Variants in PHAF1 observed in about 807,000 individuals in gnomAD.
PHAF1 encodes phagophore assembly factor 1.
Under a neutral mutation model 63.1 loss-of-function variants are expected in PHAF1, and 23 were observed. The observed-to-expected ratio is 0.36, with a 90% CI of 0.26 to 0.52. PHAF1 has a LOEUF of 0.52. Ranked by LOEUF, PHAF1 falls within the 20% of genes least tolerant of loss-of-function variation. The probability of loss-of-function intolerance (pLI) is 0.93; values close to 1 mark genes in which losing one functional copy is unlikely to be tolerated. For missense variants in PHAF1, 427 were observed against 517.2 expected (o/e 0.83, Z 1.69); for synonymous variants, 167 against 185.0 (o/e 0.90, Z 0.79).
At chr16:67,145,485 T>C in intron 13 of PHAF1, 66 bp downstream of exon 13, 2 of 1,612,492 alleles carry the variant, frequency 1.2e-6, no homozygotes. Context: ...GCAGGCAGTA[T>C]GGGGCTGTGT....
In PHAF1 at chr16:67,132,805, C is replaced by T; in HGVS notation, c.356-12C>T. On this transcript the variant is annotated splice_polypyrimidine_tract_variant and intron_variant, in intron 5 of 15. Coordinates refer to ENST00000219139, the MANE Select transcript of PHAF1 (RefSeq NM_025187.5). ...TCAACCATGTTATTTTCTTCTCCCC[C>T]ACCCCCAACAGTGTACAACTCCGCT... 3 of 1,597,308 alleles carry T rather than the reference C, an allele frequency of 1.9e-6. No individual in the cohort carries two copies. The highest frequency in any genetic ancestry group is 1.7e-5 in the Admixed American group (1 of 59,984).
chr16:67,143,235 CCCT>C (rs1037229657), intron 10 of PHAF1, among the ~76,000 whole-genome samples: 2 of 152,112 alleles, frequency 1.3e-5, no homozygotes, highest in Non-Finnish European at 2.9e-5. Flanking sequence ...GGCCTTCAGC[CCCT>C]CAAGAACCAG....
intron 2 of PHAF1, among the ~76,000 whole-genome samples, chr16:67,121,317 G>A (rs892756942): frequency 3.3e-5 from 5 of 150,826 alleles, no homozygotes; most frequent in East Asian, 1.9e-4. Context: ...TCAGCCTCCC[G>A]AGTAGCTGGG....
chr16:67,145,287 A>C, intron 12 of PHAF1, 89 bp from the exon 13 acceptor site: 1 of 1,456,514 alleles, frequency 6.9e-7, no homozygotes, highest in Non-Finnish European at 9.5e-7. Flanking sequence ...CCCAGTGCAA[A>C]GGGACACCAG....
At chr16:67,134,934 G>C (rs1963556632) in intron 8 of PHAF1, 1 of 338,262 alleles carries the variant, frequency 3.0e-6, no homozygotes, top group Admixed American at 4.2e-5. Context: ...GAAGACAAAT[G>C]ATGCAGATGT....
At chr16:67,121,621 C>A (rs1052570138) in intron 2 of PHAF1, among the ~76,000 whole-genome samples, 1 of 147,504 alleles carries the variant, frequency 6.8e-6, no homozygotes, top group Admixed American at 6.8e-5. Context: ...GCTGTTGTTG[C>A]GCAAACTGGA....
chr16:67,126,245 A>G (rs1474715080), intron 3 of PHAF1, among the ~76,000 whole-genome samples: 1 of 152,176 alleles, frequency 6.6e-6, no homozygotes, highest in East Asian at 1.9e-4. Flanking sequence ...GGATGGTCAG[A>G]AAGAGGCTGG....
chr16:67,119,868 A>G (rs1289807574), intron 1 of PHAF1, among the ~76,000 whole-genome samples: 2 of 152,054 alleles, frequency 1.3e-5, no homozygotes, highest in Non-Finnish European at 2.9e-5. Flanking sequence ...CAGATAAGCA[A>G]AAGAGTCCTT....
intron 6 of PHAF1, among the ~76,000 whole-genome samples, chr16:67,133,447 G>A (rs951404404): frequency 1.3e-5 from 2 of 149,082 alleles, no homozygotes; most frequent in African/African-American, 5.0e-5. Flanking sequence ...TTGAGGTCAG[G>A]AGTTCGAGAC....
At position 67,133,795 on chromosome 16, in the gene PHAF1, A is replaced by G. The variant is rs1479452554; in HGVS notation, c.451-373A>G. On this transcript the variant is annotated intron_variant, in intron 6 of 15. Coordinates refer to ENST00000219139, the MANE Select transcript of PHAF1 (RefSeq NM_025187.5). Reference sequence around the variant, plus strand: ...ACTCCGTCTCAAAAAAAAAAAAAAAATTAGCTGGTTGTGGTGGTGCACACT... The same window carrying G: ...ACTCCGTCTCAAAAAAAAAAAAAAAGTTAGCTGGTTGTGGTGGTGCACACT... Among the ~76,000 whole-genome samples, 10 of 151,214 alleles carry G rather than the reference A, an allele frequency of 6.6e-5. No individual in the cohort carries two copies. In the East Asian group the frequency reaches 1.9e-3, roughly 29 times the overall value.
At chr16:67,132,332 T>C (rs930161820) in intron 4 of PHAF1, 114 bp from the exon 5 acceptor site, 1 of 917,452 alleles carries the variant, frequency 1.1e-6, no homozygotes, top group Non-Finnish European at 1.7e-6. Flanking sequence ...TATTTTGATA[T>C]AATTAGAGAC....
chr16:67,120,142 T>C lies in PHAF1; in HGVS notation c.95T>C (p.Leu32Pro). 6.2e-7 allele frequency: 1 copy of C among 1,614,094 alleles called. No homozygotes were observed. The highest frequency in any genetic ancestry group is 1.1e-5 in the South Asian group (1 of 91,060). The part of the protein sequence containing the change: ...GMPLAQAVAI[L>P]QKHCRIIKNV... ...CCTCTGGCTCAGGCAGTAGCCATTC[T>C]TCAGAAGCACTGTCGCATCATCAAA... is the stretch of plus-strand genomic sequence containing the variant. Residue 32 changes from leucine to proline, a missense_variant, in exon 2 of 16, where the codon CTT becomes CCT. Physicochemically the swap from Leu to Pro is moderately conservative, Grantham distance 98 (BLOSUM62 -3). Coordinates refer to ENST00000219139, the MANE Select transcript of PHAF1 (RefSeq NM_025187.5).
chr16:67,110,326 C>T, intron 1 of PHAF1, 87 bp downstream of exon 1: 2 of 1,426,012 alleles, frequency 1.4e-6, no homozygotes, highest in Non-Finnish European at 1.9e-6. Flanking sequence ...TCTCTCACGC[C>T]CCTGCGCCCG....
At chr16:67,133,236 C>T (rs1963474501) in intron 6 of PHAF1, among the ~76,000 whole-genome samples, 1 of 152,160 alleles carries the variant, frequency 6.6e-6, no homozygotes, top group African/African-American at 2.4e-5. Flanking sequence ...GAGATTTCAT[C>T]CTCTGGATTT....
At chr16:67,141,663 G>C (rs1963813984) in intron 10 of PHAF1, among the ~76,000 whole-genome samples, 1 of 152,246 alleles carries the variant, frequency 6.6e-6, no homozygotes, top group Non-Finnish European at 1.5e-5. Flanking sequence ...GGGGCAGGCA[G>C]CTCCAGGCGC....
At position 67,140,064 on chromosome 16, in the gene PHAF1, G is replaced by T; in HGVS notation, c.742G>T (p.Val248Phe). 1 of 1,614,050 alleles carries T rather than the reference G, an allele frequency of 6.2e-7. No homozygotes were observed. The stretch of plus-strand genomic sequence containing the variant: ...GTATTTTGGTGATTCCTGCCAAGAT[G>T]TTCTTAGCATGCTTGGCTCTCCACA... ...SVYFGDSCQD[V>F]LSMLGSPHKV... The change falls in exon 9 of 16, where the codon GTT becomes TTT. Residue 248 changes from valine to phenylalanine, a missense_variant. Transcript: ENST00000219139.
At position 67,110,209 on chromosome 16, in the gene PHAF1, C is replaced by A; in HGVS notation, c.34C>A (p.Leu12Met). Residue 12 changes from leucine to methionine, a missense_variant, in exon 1 of 16, where the codon CTG becomes ATG. Transcript: ENST00000219139. ...CCTGGAGGTAGTGCCCGAACGCTCT[C>A]TGGGGAACGAGCAATGGGAATTCAC... is the stretch of plus-strand genomic sequence containing the variant. The part of the protein sequence containing the change: ...LDLEVVPERS[L>M]GNEQWEFTLG... The A allele has an allele frequency of 6.4e-7, 1 of 1,552,814 alleles. No individual in the cohort carries two copies. Among genetic ancestry groups the A allele is most frequent in the Non-Finnish European group, 8.7e-7 (1 of 1,147,672 alleles).
chr16:67,125,636 A>T (rs960640385), intron 2 of PHAF1, among the ~76,000 whole-genome samples: 1 of 152,182 alleles, frequency 6.6e-6, no homozygotes, highest in African/African-American at 2.4e-5. Flanking sequence ...CATTTTGCAG[A>T]TGTGGACCCT....
intron 4 of PHAF1, chr16:67,132,151 C>A: frequency 4.0e-6 from 1 of 246,996 alleles, no homozygotes. Context: ...TTTAGTTTTA[C>A]TGGGGCCTTC....
Sources: gnomAD v4.1 joint callset for allele counts (sites outside exome capture counted in the v4.1 genomes callset) on GRCh38, gnomAD v4.1.1 for gene constraint, MANE v1.5 for transcripts, NCBI Gene and HGNC (gene_info 2026-07-23, HGNC 2026-07-21) for gene names.